GALNT7: variants seen among roughly 807,000 people sequenced by gnomAD.
The protein encoded by GALNT7 is polypeptide N-acetylgalactosaminyltransferase 7.
GALNT7 carries 60 observed loss-of-function variants against 82.1 expected under a neutral mutation model. The observed-to-expected ratio is 0.73, with a 90% CI of 0.59 to 0.91. The LOEUF is 0.91. GALNT7 is among the 40% of genes least tolerant of loss of function. The pLI is 0.00. For missense variants in GALNT7, 660 were observed against 804.2 expected, an observed-to-expected ratio of 0.82 and a Z score of 2.17; for synonymous variants, 243 against 275.1, an observed-to-expected ratio of 0.88 and a Z score of 1.15.
At chr4:173,275,517 A>C (rs937289705) in intron 2 of GALNT7, among the ~76,000 whole-genome samples, 1 of 152,196 alleles carries the variant, frequency 6.6e-6, no homozygotes, top group Non-Finnish European at 1.5e-5. Context: ...GGGTCAGAGA[A>C]GGCCACAAGT....
At chr4:173,304,915 T>G (rs1296554426) in intron 8 of GALNT7, among the ~76,000 whole-genome samples, 1 of 152,162 alleles carries the variant, frequency 6.6e-6, no homozygotes, top group Non-Finnish European at 1.5e-5. Context: ...TCTTTACCCA[T>G]TCATCTGTTG....
chr4:173,237,117 C>T (rs868719430), intron 1 of GALNT7, among the ~76,000 whole-genome samples: 1 of 152,142 alleles, frequency 6.6e-6, no homozygotes, highest in African/African-American at 2.4e-5. Flanking sequence ...GATTTCTAGT[C>T]GTGCCATGGT....
Position 173,292,151 on chromosome 4 carries a change from G to A in GALNT7, c.631G>A (p.Val211Ile), listed in dbSNP as rs146899388. 8.4e-5 allele frequency: 135 copies of A among 1,609,334 alleles called. No individual in the cohort carries two copies. Among genetic ancestry groups the A allele is most frequent in the Admixed American group, 1.7e-4 (10 of 59,454 alleles). Residue 211 changes from valine (V) to isoleucine (I), a missense_variant, in exon 3 of 12, where the codon GTT becomes ATT. This residue lies in a region of GALNT7 where 527 missense variants were observed against 683.5 expected (regional missense o/e 0.77). Transcript: ENST00000265000. The surrounding 1 kb of genome is among the most constrained non-coding windows in gnomAD (Gnocchi z 4.8). Reference protein sequence around the residue: ...HYDENLLTSSVVIVFHNEGWS... With the variant: ...HYDENLLTSSIVIVFHNEGWS... ...TGATGAAAACTTGCTCACTTCGAGCGTTGTCATTGTCTTCCATAATGAAGG... is the reference window on the plus strand; with the variant it reads ...TGATGAAAACTTGCTCACTTCGAGCATTGTCATTGTCTTCCATAATGAAGG...
At chr4:173,170,943 A>C (rs1731842195) in intron 1 of GALNT7, among the ~76,000 whole-genome samples, 1 of 152,204 alleles carries the variant, frequency 6.6e-6, no homozygotes, top group Non-Finnish European at 1.5e-5. Context: ...ATGATAAAGA[A>C]GGTGATGATA....
intron 9 of GALNT7, among the ~76,000 whole-genome samples, chr4:173,314,892 A>ATATTGGT (rs1047576245): frequency 6.6e-6 from 1 of 152,154 alleles, no homozygotes; most frequent in African/African-American, 2.4e-5. Context: ...TGTTCAGCAA[A>ATATTGGT]TATTGGTTGA....
rs1736402863 is a variant in GALNT7, at chr4:173,288,240, G to GCCA, written c.588-3866_588-3864dup. Among the ~76,000 whole-genome samples the GCCA allele has an allele frequency of 3.8e-5, 5 of 131,168 alleles. No individual in the cohort carries two copies. The South Asian group carries it at 1.2e-3, about 30-fold the overall frequency. 86.1% of individuals were successfully genotyped at this position (131,168 alleles called of 152,430 possible). The stretch of plus-strand genomic sequence containing the variant: ...GGAGCTTGCAGTGAGCCGAGATCGC[G>GCCA]CCACTGCACTCCAGCCTGGGCGACA... On this transcript the variant is annotated intron_variant, in intron 2 of 11. Coordinates refer to ENST00000265000, the MANE Select transcript of GALNT7 (RefSeq NM_017423.3).
chr4:173,216,727 A>AT (rs1554022010), intron 1 of GALNT7, among the ~76,000 whole-genome samples: 16 of 12,980 alleles, frequency 1.2e-3, no homozygotes, highest in East Asian at 4.1e-3. Context: ...ATATATATAT[A>AT]TTTTTTTTTT....
chr4:173,304,056 C>T lies in GALNT7; in HGVS notation c.1327C>T (p.Arg443Cys), dbSNP rs781738624. 4.3e-6 allele frequency: 7 copies of T among 1,612,090 alleles called. No individual in the cohort carries two copies. Among genetic ancestry groups the T allele is most frequent in the Admixed American group, 3.3e-5 (2 of 59,934 alleles). ...TTGTTCTCGTGTTGGACATATCTACCGTCTTGAGGGCTGGCAAGGAAATCC... is the reference window on the plus strand; with the variant it reads ...TTGTTCTCGTGTTGGACATATCTACTGTCTTGAGGGCTGGCAAGGAAATCC... The part of the protein sequence containing the change: ...VPCSRVGHIY[R>C]LEGWQGNPPP... The change falls in exon 8 of 12, where the codon CGT (arginine) becomes TGT (cysteine). Residue 443 changes from arginine (R) to cysteine (C), a missense_variant. Coordinates refer to ENST00000265000, the MANE Select transcript of GALNT7 (RefSeq NM_017423.3).
At chr4:173,240,437 C>T (rs907464885) in intron 1 of GALNT7, among the ~76,000 whole-genome samples, 8 of 144,260 alleles carry the variant, frequency 5.5e-5, no homozygotes, top group Non-Finnish European at 1.0e-4. Flanking sequence ...GGCACAATCT[C>T]AGCTCACTGC....
intron 1 of GALNT7, 102 bp downstream of exon 1, chr4:173,169,063 G>A (rs917005641): frequency 4.6e-5 from 55 of 1,183,542 alleles, no homozygotes; most frequent in Middle Eastern, 3.0e-4. Flanking sequence ...GGCACGGCGT[G>A]GGCACCGCAG....
At chr4:173,237,121 C>T (rs1734259524) in intron 1 of GALNT7, among the ~76,000 whole-genome samples, 1 of 152,154 alleles carries the variant, frequency 6.6e-6, no homozygotes, top group African/African-American at 2.4e-5. Context: ...TCTAGTCGTG[C>T]CATGGTAATA....
At chr4:173,269,130 A>C (rs1275780488) in intron 2 of GALNT7, among the ~76,000 whole-genome samples, 1 of 152,152 alleles carries the variant, frequency 6.6e-6, no homozygotes, top group Non-Finnish European at 1.5e-5. Flanking sequence ...AGCATGTCTT[A>C]TTATAGGGGC....
chr4:173,178,057 GCAC>G (rs1561142196), intron 1 of GALNT7, among the ~76,000 whole-genome samples: 45 of 140,020 alleles, frequency 3.2e-4, no homozygotes, highest in African/African-American at 1.3e-3. Context: ...GTGTGTGCGC[GCAC>G]GCGCGTGCGC....
At chr4:173,306,761 G>T (rs993741491) in intron 8 of GALNT7, among the ~76,000 whole-genome samples, 1 of 152,174 alleles carries the variant, frequency 6.6e-6, no homozygotes, top group Non-Finnish European at 1.5e-5. Context: ...GAAGGTAACT[G>T]AGCTTCTGTA....
rs370903220 is a variant in GALNT7 at position 173,175,978 on chromosome 4, C to CAGGA, written c.126+7018_126+7021dup. Among the ~76,000 whole-genome samples, 701 of 152,062 alleles carry CAGGA rather than the reference C, an allele frequency of 4.6e-3. 5 individuals are homozygous for CAGGA. The highest frequency in any genetic ancestry group is 0.016 in the African/African-American group (663 of 41,454). ...ATCCCAGCTACTCAGGAGGCTGAGG[C>CAGGA]AGGATAATTGCTTGAAGCCAGGAGG... On this transcript the variant is annotated intron_variant, in intron 1 of 11. Coordinates refer to ENST00000265000, the MANE Select transcript of GALNT7 (RefSeq NM_017423.3).
At chr4:173,278,804 A>G (rs113288398) in intron 2 of GALNT7, among the ~76,000 whole-genome samples, 207 of 152,360 alleles carry the variant, frequency 1.4e-3, no homozygotes, top group Middle Eastern at 6.8e-3. Context: ...CATCTGAATT[A>G]TTGTAGCAGT....
chr4:173,185,745 T>G (rs1732443246), intron 1 of GALNT7, among the ~76,000 whole-genome samples: 1 of 152,180 alleles, frequency 6.6e-6, no homozygotes, highest in African/African-American at 2.4e-5. Context: ...TTTAATTTCC[T>G]TGTATACATC....
chr4:173,229,785 AGTC>A (rs2126706262), intron 1 of GALNT7, among the ~76,000 whole-genome samples: 1 of 152,250 alleles, frequency 6.6e-6, no homozygotes, highest in East Asian at 1.9e-4. Flanking sequence ...TAGTCTTTGT[AGTC>A]GTCTTCATGA....
intron 9 of GALNT7, chr4:173,316,537 C>G (rs1335377242): frequency 6.6e-6 from 1 of 152,228 alleles, no homozygotes; most frequent in Non-Finnish European, 1.5e-5. Context: ...GGCCCACATT[C>G]ACTGTGGCAT....
Sources: gnomAD v4.1 joint callset for allele counts (sites outside exome capture counted in the v4.1 genomes callset) on GRCh38, gnomAD v4.1.1 for gene constraint, gnomAD v4.1.1 regional missense constraint, Gnocchi (gnomAD v3.1) non-coding constraint, MANE v1.5 for transcripts, NCBI Gene and HGNC (gene_info 2026-07-23, HGNC 2026-07-21) for gene names.